Variants in PCOLCE2 observed in about 807,000 individuals in gnomAD.
The protein encoded by PCOLCE2 is procollagen C-proteinase enhancer 2.
A neutral mutation model predicts 47.0 loss-of-function variants in PCOLCE2; 42 were observed. The observed-to-expected ratio is 0.89, with a 90% CI of 0.70 to 1.16. PCOLCE2 has a LOEUF of 1.16. Among genes scored for constraint, PCOLCE2 ranks in the 50% most tolerant of loss-of-function variants. The pLI is 0.00. For missense variants in PCOLCE2, 500 were observed against 526.1 expected, an observed-to-expected ratio of 0.95 and a Z score of 0.49; for synonymous variants, 169 against 191.7, an observed-to-expected ratio of 0.88 and a Z score of 0.98.
chr3:142,881,737 T>C (rs920804194), intron 2 of PCOLCE2, among the ~76,000 whole-genome samples: 1 of 152,198 alleles, frequency 6.6e-6, no homozygotes, highest in Non-Finnish European at 1.5e-5. Context: ...CTGTCATATA[T>C]GTGGTAGTCA....
intron 4 of PCOLCE2, among the ~76,000 whole-genome samples, chr3:142,840,426 C>T (rs559758789): frequency 3.9e-5 from 6 of 152,198 alleles, no homozygotes. Context: ...CCAATCTTGC[C>T]GAGCAGCAAG....
In PCOLCE2 at chr3:142,884,210, G is replaced by A. The variant is rs115756928; in HGVS notation, c.192+3459C>T. On this transcript the variant is annotated intron_variant, in intron 2 of 8. Coordinates refer to ENST00000295992, the MANE Select transcript of PCOLCE2 (RefSeq NM_013363.4). ...AGAACCACTGTAATAGAGGGGTCCAGGTGGTGGGATGTCAACTTTTGGAGT... is the reference window on the plus strand; with the variant it reads ...AGAACCACTGTAATAGAGGGGTCCAAGTGGTGGGATGTCAACTTTTGGAGT... Among the ~76,000 whole-genome samples, 318 of 152,322 alleles carry A rather than the reference G, an allele frequency of 2.1e-3. 2 individuals carry two copies. Among genetic ancestry groups the A allele is most frequent in the African/African-American group, 7.4e-3 (307 of 41,564 alleles).
intron 5 of PCOLCE2, among the ~76,000 whole-genome samples, chr3:142,835,174 G>A (rs1937188996): frequency 6.6e-6 from 1 of 152,086 alleles, no homozygotes; most frequent in East Asian, 1.9e-4. Flanking sequence ...TATTGAAAGA[G>A]ATGTGTTAAA....
chr3:142,820,963 C>G lies in PCOLCE2; in HGVS notation c.1032G>C (p.Glu344Asp), dbSNP rs369551955. The change falls in exon 8 of 9, where the codon GAG becomes GAC. Residue 344 changes from glutamate to aspartate, a missense_variant. Transcript: ENST00000295992. ...CCGCCTGCTGAATCGCCAAATTTCC[C>G]TCTTTGTAGATGTTGATGATCGAGA... ...ATVSIINIYK[E>D]GNLAIQQAGK... The G allele has an allele frequency of 5.0e-6, 8 of 1,614,052 alleles. No individual in the cohort carries two copies. The highest frequency in any genetic ancestry group is 1.3e-5 in the African/African-American group (1 of 75,022).
chr3:142,848,268 C>T lies in PCOLCE2; in HGVS notation c.397G>A (p.Ala133Thr), dbSNP rs756414036. 6.2e-7 allele frequency: 1 copy of T among 1,614,096 alleles called. No homozygotes were observed. The highest frequency in any genetic ancestry group is 1.3e-5 in the African/African-American group (1 of 74,940). ...MVQMISDANT[A>T]GNGFMAMFSA... Reference sequence around the variant, plus strand: ...AACATGGCCATGAAGCCATTGCCAGCTGTGTTGGCATCAGAAATCATCTGC... The same window carrying T: ...AACATGGCCATGAAGCCATTGCCAGTTGTGTTGGCATCAGAAATCATCTGC... Residue 133 changes from alanine to threonine, a missense_variant, in exon 3 of 9, where the codon GCT (alanine) becomes ACT (threonine). Physicochemically the swap from Ala to Thr is moderately conservative, Grantham distance 58. Transcript: ENST00000295992.
intron 2 of PCOLCE2, among the ~76,000 whole-genome samples, chr3:142,863,046 C>T (rs1933209523): frequency 7.1e-6 from 1 of 140,976 alleles, no homozygotes; most frequent in African/African-American, 2.6e-5. Flanking sequence ...TCCCATTTTT[C>T]ACACCTTCTC....
chr3:142,875,153 C>A (rs1166895795), intron 2 of PCOLCE2, among the ~76,000 whole-genome samples: 2 of 152,188 alleles, frequency 1.3e-5, no homozygotes, highest in Admixed American at 1.3e-4. Context: ...CCTGGAGTAG[C>A]TGCCTGGCTC....
intron 2 of PCOLCE2, among the ~76,000 whole-genome samples, chr3:142,869,568 G>C (rs1430538585): frequency 6.6e-6 from 1 of 152,140 alleles, no homozygotes; most frequent in East Asian, 1.9e-4. Context: ...AAAAAACACA[G>C]TCTATCCTCT....
chr3:142,880,934 A>G (rs1933600696), intron 2 of PCOLCE2, among the ~76,000 whole-genome samples: 1 of 152,218 alleles, frequency 6.6e-6, no homozygotes, highest in African/African-American at 2.4e-5. Context: ...ATCTTAACTA[A>G]TCTTAAGATC....
intron 2 of PCOLCE2, among the ~76,000 whole-genome samples, chr3:142,850,187 CACA>C (rs956965640): frequency 6.6e-6 from 1 of 152,156 alleles, no homozygotes; most frequent in Non-Finnish European, 1.5e-5. Flanking sequence ...TTGTTTTGCA[CACA>C]ACCTCTATTT....
rs149136479 is a variant in PCOLCE2, at chr3:142,835,238, T to G, written c.710+3532A>C. On this transcript the variant is annotated intron_variant, in intron 5 of 8. Coordinates refer to ENST00000295992, the MANE Select transcript of PCOLCE2 (RefSeq NM_013363.4). ...GATCTGCCTTTCTTAATTTTTTAAT[T>G]TTTTTGCTTCAAATAATCTTATGTA... Among the ~76,000 whole-genome samples, 1,300 of 152,024 alleles carry G rather than the reference T, an allele frequency of 8.6e-3. 19 individuals are homozygous for G. The highest frequency in any genetic ancestry group is 0.029 in the African/African-American group (1,222 of 41,466).
intron 6 of PCOLCE2, among the ~76,000 whole-genome samples, chr3:142,826,731 T>C (rs1047530812): frequency 6.6e-6 from 1 of 152,166 alleles, no homozygotes; most frequent in African/African-American, 2.4e-5. Flanking sequence ...TGTGCTGGCG[T>C]CTCCAGTAGA....
intron 2 of PCOLCE2, among the ~76,000 whole-genome samples, chr3:142,884,937 T>A (rs1933691619): frequency 6.6e-6 from 1 of 152,234 alleles, no homozygotes; most frequent in Non-Finnish European, 1.5e-5. Context: ...CTAGTATGAC[T>A]AAGAAACTAA....
At chr3:142,858,493 C>T (rs976798743) in intron 2 of PCOLCE2, among the ~76,000 whole-genome samples, 3 of 152,222 alleles carry the variant, frequency 2.0e-5, no homozygotes, top group Non-Finnish European at 4.4e-5. Flanking sequence ...AACATACACA[C>T]ACACATGCGC....
intron 2 of PCOLCE2, among the ~76,000 whole-genome samples, chr3:142,873,698 A>C (rs904355322): frequency 1.3e-5 from 2 of 152,228 alleles, no homozygotes; most frequent in African/African-American, 4.8e-5. Context: ...GTGAGTATTC[A>C]GAAACCAACA....
chr3:142,851,000 T>C (rs1161453468), intron 2 of PCOLCE2, among the ~76,000 whole-genome samples: 1 of 151,956 alleles, frequency 6.6e-6, no homozygotes, highest in Non-Finnish European at 1.5e-5. Context: ...GCTGGTGGAG[T>C]TGGCCTTAGT....
At chr3:142,879,563 G>A (rs1359066909) in intron 2 of PCOLCE2, among the ~76,000 whole-genome samples, 1 of 152,106 alleles carries the variant, frequency 6.6e-6, no homozygotes, top group Non-Finnish European at 1.5e-5. Flanking sequence ...ATTTATTTAG[G>A]ATTTATATTT....
At chr3:142,852,068 C>G (rs1345909162) in intron 2 of PCOLCE2, among the ~76,000 whole-genome samples, 2 of 152,218 alleles carry the variant, frequency 1.3e-5, no homozygotes, top group East Asian at 3.8e-4. Flanking sequence ...ACAACCCCGA[C>G]AAAGCTTCTT....
At chr3:142,860,055 T>TA (rs145621790) in intron 2 of PCOLCE2, among the ~76,000 whole-genome samples, 4,474 of 152,294 alleles carry the variant, frequency 0.029, 221 homozygotes, top group African/African-American at 0.1. Context: ...ATTATTATAT[T>TA]AAAAAGTATG....
Sources: allele counts gnomAD v4.1 joint callset (sites outside exome capture counted in the v4.1 genomes callset), GRCh38; gene constraint gnomAD v4.1.1; transcripts MANE v1.5; gene names NCBI Gene and HGNC (gene_info 2026-07-23, HGNC 2026-07-21).